The following CDH13 variants were observed in gnomAD, a reference collection of about 807,000 sequenced individuals.
CDH13 encodes cadherin 13.
Under a neutral mutation model 63.8 loss-of-function variants are expected in CDH13, and 24 were observed. The ratio of observed to expected loss-of-function variants is 0.38; its 90% CI spans 0.27 to 0.53. The LOEUF (loss-of-function observed/expected upper bound fraction) is 0.53, where lower values mean the gene tolerates loss of function less well. Among genes scored for constraint, CDH13 ranks in the 20% least tolerant of loss-of-function variants. The pLI is 0.85. For missense variants in CDH13, 1,049 were observed against 903.1 expected (o/e 1.16, Z -2.07); for synonymous variants, 503 against 355.3 (o/e 1.42, Z -4.67).
chr16:83,490,301 A>C (rs1222370312), intron 7 of CDH13, among the ~76,000 whole-genome samples: 1 of 152,208 alleles, frequency 6.6e-6, no homozygotes, highest in Non-Finnish European at 1.5e-5. Context: ...GGTGGCAGGC[A>C]CTGGGAATTT....
At chr16:83,673,042 T>C (rs1352177183) in intron 9 of CDH13, among the ~76,000 whole-genome samples, 1 of 152,240 alleles carries the variant, frequency 6.6e-6, no homozygotes, top group East Asian at 1.9e-4. Context: ...GCATTACTGC[T>C]AGTCCCCATG....
chr16:83,734,687 C>G lies in CDH13; in HGVS notation c.1539-13421C>G, dbSNP rs562622217. Among the ~76,000 whole-genome samples, 212 of 150,134 alleles carry G rather than the reference C, an allele frequency of 1.4e-3. 1 individual carries two copies. Among genetic ancestry groups the G allele is most frequent in the African/African-American group, 4.9e-3 (201 of 40,904 alleles). On this transcript the variant is annotated intron_variant, in intron 10 of 13. Transcript: ENST00000567109. Reference sequence around the variant, plus strand: ...GCATGGCACATGTATACATATGTAACTAACCTGCACATTGTGCACATGTAC... The same window carrying G: ...GCATGGCACATGTATACATATGTAAGTAACCTGCACATTGTGCACATGTAC...
intron 1 of CDH13, among the ~76,000 whole-genome samples, chr16:82,630,234 C>G (rs72832152): frequency 0.014 from 2,093 of 152,216 alleles, 19 homozygotes; most frequent in South Asian, 0.023. Flanking sequence ...CCCCTCCCCC[C>G]CTAGGGTCAA....
intron 4 of CDH13, among the ~76,000 whole-genome samples, chr16:83,149,078 T>C (rs2036867283): frequency 1.3e-5 from 2 of 152,224 alleles, no homozygotes; most frequent in Admixed American, 6.5e-5. Flanking sequence ...TTAAGAAATA[T>C]GTCCTTATCT....
chr16:82,849,197 C>G (rs183024481), intron 1 of CDH13, among the ~76,000 whole-genome samples: 3 of 152,230 alleles, frequency 2.0e-5, no homozygotes, highest in Non-Finnish European at 4.4e-5. Flanking sequence ...GAAACGATCC[C>G]TATAACATAA....
rs200015057 is a variant in CDH13, at chr16:83,324,040, C to CTT, written c.637-20808_637-20807dup. Among the ~76,000 whole-genome samples, 254 of 141,340 alleles carry CTT rather than the reference C, an allele frequency of 1.8e-3. 3 individuals carry two copies. Among genetic ancestry groups the CTT allele is most frequent in the African/African-American group, 3.4e-3 (133 of 38,922 alleles). The allele number at this position is 141,340 out of a possible 152,430, so 92.7% of individuals were successfully genotyped here. A position where few individuals can be genotyped will look rare whatever the true frequency, so the allele number is the denominator to read the frequency against. Reference sequence around the variant, plus strand: ...CATCACAGGTTTATTTCTTCTTCTTCTTTTTTTTTTTTTTTGAGGTGGAGT... The same window carrying CTT: ...CATCACAGGTTTATTTCTTCTTCTTCTTTTTTTTTTTTTTTTTGAGGTGGAGT... On this transcript the variant is annotated intron_variant, in intron 5 of 13. Transcript: ENST00000567109.
intron 2 of CDH13, among the ~76,000 whole-genome samples, chr16:82,982,008 G>A (rs1336728867): frequency 1.3e-5 from 2 of 152,138 alleles, no homozygotes; most frequent in Non-Finnish European, 2.9e-5. Context: ...TTCTGGAACA[G>A]GAAGTATAGC....
chr16:83,493,293 C>T (rs1448480696), intron 7 of CDH13, among the ~76,000 whole-genome samples: 4 of 152,310 alleles, frequency 2.6e-5, no homozygotes, highest in East Asian at 1.9e-4. Context: ...TTTGCCCACA[C>T]GGCAGAGACT....
At chr16:83,031,099 T>C (rs149717913) in intron 2 of CDH13, among the ~76,000 whole-genome samples, 64 of 150,580 alleles carry the variant, frequency 4.3e-4, no homozygotes, top group Admixed American at 1.2e-3. Flanking sequence ...TGCATGCGTA[T>C]GTGTACATAT....
At chr16:82,861,300 C>G (rs560144593) in intron 2 of CDH13, among the ~76,000 whole-genome samples, 1 of 152,288 alleles carries the variant, frequency 6.6e-6, no homozygotes, top group South Asian at 2.1e-4. Context: ...TATTTAAGAG[C>G]TTTGGTTACC....
chr16:83,354,616 T>A (rs1567612756), intron 6 of CDH13, among the ~76,000 whole-genome samples: 1 of 151,764 alleles, frequency 6.6e-6, no homozygotes, highest in Admixed American at 6.6e-5. Context: ...TCTAAAGAGG[T>A]GATGTTGAAG....
intron 5 of CDH13, among the ~76,000 whole-genome samples, chr16:83,271,426 A>AAAAAAAAAAAAAAAAAAAC (rs2088808552): frequency 8.5e-6 from 1 of 118,126 alleles, no homozygotes; most frequent in Non-Finnish European, 1.7e-5. Flanking sequence ...AGTTCATAAA[A>AAAAAAAAAAAAAAAAAAAC]AAAAAAAAAA....
chr16:83,320,751 C>G (rs955328015), intron 5 of CDH13, among the ~76,000 whole-genome samples: 1 of 152,064 alleles, frequency 6.6e-6, no homozygotes, highest in African/African-American at 2.4e-5. Flanking sequence ...GTGTGTAGAC[C>G]AAGCGCAAGG....
At chr16:82,638,504 T>C (rs1337434548) in intron 1 of CDH13, among the ~76,000 whole-genome samples, 1 of 152,216 alleles carries the variant, frequency 6.6e-6, no homozygotes, top group African/African-American at 2.4e-5. Context: ...TGTCATCCTA[T>C]GCTTAAGAAA....
intron 2 of CDH13, among the ~76,000 whole-genome samples, chr16:82,934,208 A>G (rs1315109228): frequency 6.6e-6 from 1 of 152,234 alleles, no homozygotes; most frequent in Non-Finnish European, 1.5e-5. Context: ...TCTGAAGTCT[A>G]GGCAGATGTT....
chr16:82,697,911 T>A (rs867753132), intron 1 of CDH13, among the ~76,000 whole-genome samples: 7 of 152,158 alleles, frequency 4.6e-5, no homozygotes, highest in African/African-American at 1.7e-4. Flanking sequence ...TGCCCCAACA[T>A]GACAGTGCTG....
intron 3 of CDH13, among the ~76,000 whole-genome samples, chr16:83,117,420 C>T (rs968325520): frequency 6.6e-5 from 10 of 152,236 alleles, no homozygotes; most frequent in Non-Finnish European, 1.3e-4. Flanking sequence ...CTCGGTGGAC[C>T]GCTTCTTGCC....
rs936111681 is a variant in CDH13 at position 83,798,246 on chromosome 16, C to T, written c.*3216C>T. ...ACTGGGTCTTAATCTTAAGATGTGA[C>T]AACTAAAAAATTTTTAACAAGTCTG... On this transcript the variant is annotated 3_prime_UTR_variant, in exon 14 of 14. Transcript: ENST00000567109. 6.6e-6 allele frequency: 1 copy of T among 152,148 alleles called. No homozygotes were observed. Among genetic ancestry groups the T allele is most frequent in the Non-Finnish European group, 1.5e-5 (1 of 68,030 alleles). 9.4% of individuals were successfully genotyped at this position (152,148 alleles called of 1,614,324 possible).
At chr16:82,783,320 A>C (rs566075620) in intron 1 of CDH13, among the ~76,000 whole-genome samples, 3 of 152,342 alleles carry the variant, frequency 2.0e-5, no homozygotes, top group East Asian at 3.9e-4. Flanking sequence ...GTCCCTGGCC[A>C]CAAAGCTCCA....
Sources: allele counts gnomAD v4.1 joint callset (sites outside exome capture counted in the v4.1 genomes callset), GRCh38; gene constraint gnomAD v4.1.1; transcripts MANE v1.5; gene names NCBI Gene and HGNC (gene_info 2026-07-23, HGNC 2026-07-21).